TNR: variants seen among roughly 807,000 people sequenced by gnomAD.
TNR encodes tenascin-R.
A neutral mutation model predicts 150.4 loss-of-function variants in TNR; 45 were observed. The ratio of observed to expected loss-of-function variants is 0.30; its 90% CI spans 0.24 to 0.38. TNR has a LOEUF of 0.38. Among genes scored for constraint, TNR ranks in the 10% least tolerant of loss-of-function variants. The pLI, the probability that TNR is intolerant of heterozygous loss-of-function variation, is 1.00. For missense variants in TNR, 1,544 were observed against 1,759.1 expected, an observed-to-expected ratio of 0.88 and a Z score of 2.19; for synonymous variants, 687 against 678.4, an observed-to-expected ratio of 1.01 and a Z score of -0.20.
chr1:175,422,739 T>C (rs964837926), intron 2 of TNR, among the ~76,000 whole-genome samples: 6 of 152,188 alleles, frequency 3.9e-5, no homozygotes, highest in African/African-American at 1.4e-4. Flanking sequence ...TGTCAGACCA[T>C]CCACACTCCC....
At chr1:175,640,791 G>GTGTATATATATATATATATATATATA (rs1158722943) in intron 1 of TNR, among the ~76,000 whole-genome samples, 10 of 143,648 alleles carry the variant, frequency 7.0e-5, no homozygotes, top group African/African-American at 2.6e-4. Flanking sequence ...GTGTGTGTGG[G>GTGTATATATATATATATATATATATA]TATATATATA....
intron 1 of TNR, among the ~76,000 whole-genome samples, chr1:175,587,493 C>T (rs897805830): frequency 2.6e-5 from 4 of 152,170 alleles, no homozygotes; most frequent in Non-Finnish European, 4.4e-5. Context: ...TAGCTCAGTA[C>T]TTGTGTATGG....
Position 175,386,040 on chromosome 1 carries a change from A to T in TNR, c.1769T>A (p.Phe590Tyr). The change falls in exon 8 of 23, where the codon TTC becomes TAC. Residue 590 changes from phenylalanine (F) to tyrosine (Y), a missense_variant. Physicochemically the swap from Phe to Tyr is conservative, Grantham distance 22. This residue lies in a region of TNR where 1,254 missense variants were observed against 1,329.4 expected (regional missense o/e 0.94). Coordinates refer to ENST00000367674, the MANE Select transcript of TNR (RefSeq NM_003285.3). ...CCCCACCGCAGCCTTACCTGTTGTGAACTGAGTGGTGGCAGAATCGCTCTC... is the reference window on the plus strand; with the variant it reads ...CCCCACCGCAGCCTTACCTGTTGTGTACTGAGTGGTGGCAGAATCGCTCTC... Reference protein sequence around the residue: ...TNESDSATTQFTTEIDAPKNL... With the variant: ...TNESDSATTQYTTEIDAPKNL... The T allele has an allele frequency of 6.3e-7, 1 of 1,591,658 alleles. No homozygotes were observed. The highest frequency in any genetic ancestry group is 8.6e-7 in the Non-Finnish European group (1 of 1,166,278).
chr1:175,632,831 T>C (rs1357751982), intron 1 of TNR, among the ~76,000 whole-genome samples: 2 of 152,210 alleles, frequency 1.3e-5, no homozygotes, highest in African/African-American at 4.8e-5. Flanking sequence ...ACCCAGAGCA[T>C]CTGGTATCCA....
intron 1 of TNR, among the ~76,000 whole-genome samples, chr1:175,720,805 C>T (rs914203311): frequency 2.0e-5 from 3 of 152,178 alleles, no homozygotes; most frequent in African/African-American, 7.2e-5. Flanking sequence ...TCCTGTTTTG[C>T]TCTCATTCAA....
chr1:175,468,363 C>T (rs188851224), intron 2 of TNR, among the ~76,000 whole-genome samples: 9 of 152,288 alleles, frequency 5.9e-5, no homozygotes, highest in East Asian at 1.9e-4. Context: ...ATTGAGGTGA[C>T]GCATTGAAGG....
chr1:175,732,465 G>T (rs995207690), intron 1 of TNR, among the ~76,000 whole-genome samples: 9 of 152,226 alleles, frequency 5.9e-5, no homozygotes, highest in African/African-American at 1.9e-4. Context: ...TCTTGAGAGA[G>T]TTAGATGGGG....
chr1:175,736,778 C>T (rs926722638), intron 1 of TNR, among the ~76,000 whole-genome samples: 7 of 151,944 alleles, frequency 4.6e-5, no homozygotes, highest in Non-Finnish European at 1.0e-4. Context: ...CTTTGGGAGG[C>T]CAAGGTGGGA....
intron 2 of TNR, among the ~76,000 whole-genome samples, chr1:175,484,010 A>G (rs1657910451): frequency 6.6e-6 from 1 of 152,192 alleles, no homozygotes; most frequent in African/African-American, 2.4e-5. Context: ...CCCCCGCTGC[A>G]CTGTGAGCTC....
chr1:175,583,487 A>C (rs1230801258), intron 1 of TNR, among the ~76,000 whole-genome samples: 1 of 152,180 alleles, frequency 6.6e-6, no homozygotes, highest in African/African-American at 2.4e-5. Context: ...TCCTGCCCAT[A>C]CCCAGAACTT....
chr1:175,593,590 C>T (rs1019528889), intron 1 of TNR, among the ~76,000 whole-genome samples: 10 of 152,280 alleles, frequency 6.6e-5, no homozygotes, highest in Middle Eastern at 6.8e-3. Context: ...GTTTGATAGG[C>T]TCTCGATTCC....
chr1:175,332,040 T>C (rs1241849234), intron 20 of TNR, among the ~76,000 whole-genome samples: 1 of 152,228 alleles, frequency 6.6e-6, no homozygotes, highest in Non-Finnish European at 1.5e-5. Context: ...ATGCTGATGT[T>C]GTTCTGCTGG....
intron 1 of TNR, among the ~76,000 whole-genome samples, chr1:175,663,862 GC>G (rs1196819365): frequency 1.3e-5 from 2 of 152,238 alleles, no homozygotes; most frequent in African/African-American, 4.8e-5. Flanking sequence ...TTGACAGGAA[GC>G]CTGAAAGAGG....
intron 1 of TNR, among the ~76,000 whole-genome samples, chr1:175,587,789 G>T (rs189884731): frequency 6.6e-6 from 1 of 152,288 alleles, no homozygotes; most frequent in African/African-American, 2.4e-5. Flanking sequence ...TGTGCAGAAG[G>T]GTTGAAAAGC....
chr1:175,339,123 A>G (rs1650391803), intron 18 of TNR, among the ~76,000 whole-genome samples: 1 of 152,222 alleles, frequency 6.6e-6, no homozygotes, highest in South Asian at 2.1e-4. Flanking sequence ...CTTATTTTAC[A>G]GAGAAGGAAA....
At chr1:175,588,610 C>T (rs60500016) in intron 1 of TNR, among the ~76,000 whole-genome samples, 14 of 152,134 alleles carry the variant, frequency 9.2e-5, no homozygotes, top group East Asian at 1.9e-4. Context: ...TAATCAAACA[C>T]GGGCTGCTCT....
rs549025646 is a variant in TNR at position 175,373,773 on chromosome 1, C to T, written c.1963+5779G>A. 7.9e-5 allele frequency among the ~76,000 whole-genome samples: 12 copies of T among 152,246 alleles called. No homozygotes were observed. In the East Asian group the frequency reaches 2.1e-3, roughly 27 times the overall value. Reference sequence around the variant, plus strand: ...GAGTGGAAGCTGCAGCTGAAATATTCCCACCTGGCTTTTCCCCCAGCCCCC... The same window carrying T: ...GAGTGGAAGCTGCAGCTGAAATATTTCCACCTGGCTTTTCCCCCAGCCCCC... On this transcript the variant is annotated intron_variant, in intron 9 of 22. Coordinates refer to ENST00000367674, the MANE Select transcript of TNR (RefSeq NM_003285.3).
chr1:175,603,555 T>C (rs1229035220), intron 1 of TNR, among the ~76,000 whole-genome samples: 2 of 152,240 alleles, frequency 1.3e-5, no homozygotes, highest in Non-Finnish European at 2.9e-5. Flanking sequence ...GATGCTTTGA[T>C]GAATTCTCAC....
intron 1 of TNR, among the ~76,000 whole-genome samples, chr1:175,737,276 T>C (rs1352522441): frequency 2.0e-5 from 3 of 152,188 alleles, no homozygotes; most frequent in Non-Finnish European, 2.9e-5. Flanking sequence ...ATGCCTCAGT[T>C]TTTTCACCTG....
Sources: allele counts gnomAD v4.1 joint callset (sites outside exome capture counted in the v4.1 genomes callset), GRCh38; gene constraint gnomAD v4.1.1; regional missense constraint gnomAD v4.1.1; transcripts MANE v1.5; gene names NCBI Gene and HGNC (gene_info 2026-07-23, HGNC 2026-07-21).